Variants in GPAM observed in about 807,000 individuals in gnomAD.
GPAM encodes the protein glycerol-3-phosphate acyltransferase 1, mitochondrial.
Under a neutral mutation model 105.0 loss-of-function variants are expected in GPAM, and 56 were observed. The observed-to-expected ratio is 0.53, with a 90% confidence interval of 0.43 to 0.67. GPAM has a LOEUF of 0.67. GPAM is among the 30% of genes least tolerant of loss of function. The pLI is 0.00. For missense variants in GPAM, 855 were observed against 989.8 expected (o/e 0.86, Z 1.83); for synonymous variants, 368 against 354.4 (o/e 1.04, Z -0.43).
At chr10:112,206,961 G>A (rs545557646) in intron 1 of GPAM, among the ~76,000 whole-genome samples, 8 of 152,016 alleles carry the variant, frequency 5.3e-5, no homozygotes, top group South Asian at 4.2e-4. Context: ...TTTCTCAACA[G>A]AATATCTATT....
chr10:112,210,875 T>C (rs146631103), intron 1 of GPAM, among the ~76,000 whole-genome samples: 203 of 152,320 alleles, frequency 1.3e-3, no homozygotes, highest in East Asian at 7.9e-3. Flanking sequence ...GTGGAAAGCA[T>C]TGGGAGCACT....
chr10:112,182,202 T>C (rs1394561975), intron 2 of GPAM, among the ~76,000 whole-genome samples: 1 of 152,228 alleles, frequency 6.6e-6, no homozygotes, highest in Non-Finnish European at 1.5e-5. Flanking sequence ...CATTTGCAAA[T>C]GAAAATAAGA....
intron 20 of GPAM, 186 bp from the exon 21 acceptor site, chr10:112,154,873 T>C (rs1258441660): frequency 3.0e-6 from 2 of 659,276 alleles, no homozygotes; most frequent in African/African-American, 1.8e-5. Context: ...TTAAACCTAC[T>C]TTGCTTACAC....
At chr10:112,189,229 C>G (rs1185860081) in intron 1 of GPAM, among the ~76,000 whole-genome samples, 2 of 152,278 alleles carry the variant, frequency 1.3e-5, no homozygotes, top group East Asian at 3.9e-4. Context: ...ATGCTCTTCT[C>G]ATTATGACCT....
chr10:112,202,314 G>A (rs1847807679), intron 1 of GPAM, among the ~76,000 whole-genome samples: 1 of 152,182 alleles, frequency 6.6e-6, no homozygotes. Flanking sequence ...TGGCCCAGGA[G>A]CCATAGTTAC....
chr10:112,169,331 G>A (rs1014682907), intron 9 of GPAM, among the ~76,000 whole-genome samples: 5 of 152,248 alleles, frequency 3.3e-5, no homozygotes, highest in East Asian at 1.9e-4. Flanking sequence ...TGAAATTTGC[G>A]CATGGCATGT....
chr10:112,155,840 A>G (rs1431755550), intron 20 of GPAM, 24 bp downstream of exon 20: 2 of 1,419,368 alleles, frequency 1.4e-6, no homozygotes, highest in Non-Finnish European at 2.0e-6. Flanking sequence ...AGATTTTAAA[A>G]GAATAAATAG....
intron 6 of GPAM, 110 bp downstream of exon 6, chr10:112,175,490 C>T: frequency 1.3e-6 from 1 of 753,724 alleles, no homozygotes; most frequent in Non-Finnish European, 2.4e-6. Flanking sequence ...GTGAACACTT[C>T]TTGAGACACA....
chr10:112,170,992 C>T (rs1384905541), intron 9 of GPAM, among the ~76,000 whole-genome samples: 3 of 152,188 alleles, frequency 2.0e-5, no homozygotes, highest in African/African-American at 7.2e-5. Flanking sequence ...ACACAGCACA[C>T]AAAGGTGACG....
chr10:112,223,083 C>T, the GPAM span, among the ~76,000 whole-genome samples: 1 of 152,194 alleles, frequency 6.6e-6, no homozygotes, highest in African/African-American at 2.4e-5. Context: ...AGCCTTCTCT[C>T]ATCAGTCTGG....
the GPAM span, among the ~76,000 whole-genome samples, chr10:112,224,335 G>C: frequency 1.2e-4 from 18 of 152,176 alleles, no homozygotes; most frequent in Non-Finnish European, 2.5e-4. Flanking sequence ...TAGGCCCAAA[G>C]TGCTGTTTTC....
Position 112,151,215 on chromosome 10 carries a change from A to G in GPAM, c.*2335T>C, listed in dbSNP as rs1027112470. ...AAACTGTAATAAATTATTTACAAGC[A>G]CCTAGTTTGTTTAACCTTATGTGGA... On this transcript the variant is annotated 3_prime_UTR_variant, in exon 22 of 22. Transcript: ENST00000348367. The G allele has an allele frequency of 5.1e-6, 5 of 984,594 alleles. No homozygotes were observed. The African/African-American group carries it at 8.7e-5, about 17-fold the overall frequency. 61.0% of individuals were successfully genotyped at this position (984,594 alleles called of 1,614,324 possible).
chr10:112,221,007 C>A, the GPAM span, among the ~76,000 whole-genome samples: 1 of 152,020 alleles, frequency 6.6e-6, no homozygotes, highest in Non-Finnish European at 1.5e-5. Flanking sequence ...GTCAAGTGGA[C>A]AATATATATC....
chr10:112,224,251 T>C, the GPAM span, among the ~76,000 whole-genome samples: 3 of 152,246 alleles, frequency 2.0e-5, no homozygotes, highest in Admixed American at 2.0e-4. Context: ...CCATTTAAAA[T>C]ACAATTTAAG....
At chr10:112,155,582 G>T (rs1847001972) in intron 20 of GPAM, 3 of 335,586 alleles carry the variant, frequency 8.9e-6, no homozygotes, top group African/African-American at 2.2e-5. Flanking sequence ...ATAAAATGTG[G>T]TAAATATTTA....
At chr10:112,159,594 A>G (rs1847085188) in intron 17 of GPAM, among the ~76,000 whole-genome samples, 1 of 152,024 alleles carries the variant, frequency 6.6e-6, no homozygotes, top group African/African-American at 2.4e-5. Context: ...TGGGTGTGTT[A>G]ATTATTTACA....
chr10:112,222,887 C>A, the GPAM span, among the ~76,000 whole-genome samples: 1 of 152,052 alleles, frequency 6.6e-6, no homozygotes, highest in East Asian at 1.9e-4. Flanking sequence ...CACAGAGGAG[C>A]ACTGTTTAGA....
chr10:112,181,817 TA>T lies in GPAM; in HGVS notation c.-29-5del. The T allele has an allele frequency of 8.6e-7, 1 of 1,169,530 alleles. No homozygotes were observed. 72.4% of individuals were successfully genotyped at this position (1,169,530 alleles called of 1,614,324 possible). A position where few individuals can be genotyped will look rare whatever the true frequency, so the allele number is the denominator to read the frequency against. On this transcript the variant is annotated splice_polypyrimidine_tract_variant and splice_region_variant and intron_variant, in intron 2 of 21. Coordinates refer to ENST00000348367, the MANE Select transcript of GPAM (RefSeq NM_001244949.2). ...AGTGTAATTCCCAAATCATGTGCTATAAAAAATAGGTACCATTTAAATTAAC... is the reference window on the plus strand; with the variant it reads ...AGTGTAATTCCCAAATCATGTGCTATAAAAATAGGTACCATTTAAATTAAC...
At chr10:112,172,340 A>T in intron 8 of GPAM, 22 bp from the exon 9 acceptor site, 1 of 1,606,858 alleles carries the variant, frequency 6.2e-7, no homozygotes, top group East Asian at 2.2e-5. Flanking sequence ...AAAAATGCCA[A>T]ATTTAAAACT....
Sources: gnomAD v4.1 joint callset for allele counts (sites outside exome capture counted in the v4.1 genomes callset) on GRCh38, gnomAD v4.1.1 for gene constraint, MANE v1.5 for transcripts, NCBI Gene and HGNC (gene_info 2026-07-23, HGNC 2026-07-21) for gene names.